The following CORO1C variants were observed in gnomAD, a reference collection of about 807,000 sequenced individuals.
The protein encoded by CORO1C is coronin-1C.
A neutral mutation model predicts 51.2 loss-of-function variants in CORO1C; 14 were observed. The observed-to-expected ratio is 0.27, with a 90% confidence interval of 0.18 to 0.43. The LOEUF (loss-of-function observed/expected upper bound fraction) is 0.43. CORO1C is among the 20% of genes least tolerant of loss of function. The probability of loss-of-function intolerance (pLI) is 1.00; values close to 1 mark genes in which losing one functional copy is unlikely to be tolerated. For synonymous variants in CORO1C, 181 were observed against 210.5 expected (o/e 0.86, Z 1.21); for missense variants, 417 against 607.8 (o/e 0.69, Z 3.30).
At chr12:108,702,887 T>G in intron 1 of CORO1C, 1 of 1,535,960 alleles carries the variant, frequency 6.5e-7, no homozygotes, top group Non-Finnish European at 8.7e-7. Context: ...CAATTGAGCA[T>G]CCACGTTCCT....
chr12:108,678,430 T>C (rs199668001), intron 2 of CORO1C, 36 bp from the exon 3 acceptor site: 357 of 1,509,174 alleles, frequency 2.4e-4, no homozygotes, highest in Middle Eastern at 7.1e-4. Flanking sequence ...TTATGTAATA[T>C]CAACACCACA....
In CORO1C at chr12:108,649,007, G is replaced by A; in HGVS notation, c.1015C>T (p.His339Tyr). 6.2e-7 allele frequency: 1 copy of A among 1,614,200 alleles called. No homozygotes were observed. The highest frequency in any genetic ancestry group is 8.5e-7 in the Non-Finnish European group (1 of 1,180,032). Reference sequence around the variant, plus strand: ...ATAATAGGTTCACACTTTCTCTCATGAAGTTTGAAGAATCTTCAGAGGGGA... The same window carrying A: ...ATAATAGGTTCACACTTTCTCTCATAAAGTTTGAAGAATCTTCAGAGGGGA... ...KCEIARFFKL[H>Y]ERKCEPIIMT... The change falls in exon 9 of 11, where the codon CAT becomes TAT. Residue 339 changes from histidine (H) to tyrosine (Y), a missense_variant. Coordinates refer to ENST00000261401, the MANE Select transcript of CORO1C (RefSeq NM_014325.4).
chr12:108,726,355 C>T (rs565884003), intron 1 of CORO1C, among the ~76,000 whole-genome samples: 19 of 150,776 alleles, frequency 1.3e-4, no homozygotes, highest in Non-Finnish European at 2.5e-4. Flanking sequence ...GGAGGCAGAG[C>T]TTGCAGTGAG....
intron 1 of CORO1C, among the ~76,000 whole-genome samples, chr12:108,720,469 T>C (rs773291312): frequency 1.3e-5 from 2 of 152,214 alleles, no homozygotes; most frequent in Non-Finnish European, 2.9e-5. Context: ...AACATCTTGC[T>C]AACATATTTA....
chr12:108,685,079 A>G (rs2034251363), intron 2 of CORO1C, among the ~76,000 whole-genome samples: 1 of 152,226 alleles, frequency 6.6e-6, no homozygotes, highest in Non-Finnish European at 1.5e-5. Context: ...ACACAAAGCA[A>G]TTTTGAGGGG....
chr12:108,726,680 A>G (rs2035601899), intron 1 of CORO1C, among the ~76,000 whole-genome samples: 1 of 151,846 alleles, frequency 6.6e-6, no homozygotes, highest in Non-Finnish European at 1.5e-5. Context: ...GAATGAAAAG[A>G]AAGTACACAC....
intron 3 of CORO1C, among the ~76,000 whole-genome samples, chr12:108,673,240 A>C (rs1196940731): frequency 2.0e-5 from 3 of 152,206 alleles, no homozygotes; most frequent in Admixed American, 2.0e-4. Flanking sequence ...TAAAAAAGCA[A>C]AAACAGCCTT....
rs1426604807 is a variant in CORO1C at position 108,719,753 on chromosome 12, G to A, written c.-6+11676C>T. Among the ~76,000 whole-genome samples the A allele has an allele frequency of 2.0e-5, 3 of 152,190 alleles. 1 individual carries two copies. Among genetic ancestry groups the A allele is most frequent in the Non-Finnish European group, 4.4e-5 (3 of 68,034 alleles). On this transcript the variant is annotated intron_variant, in intron 1 of 10. Transcript: ENST00000261401. ...AGAAACTCAAAAAGAGAAAGATAGT[G>A]AAGGAAAACAGCTTTTTCAATGGCT...
chr12:108,721,459 T>C (rs1358788523), intron 1 of CORO1C, among the ~76,000 whole-genome samples: 1 of 152,212 alleles, frequency 6.6e-6, no homozygotes, highest in African/African-American at 2.4e-5. Flanking sequence ...GAATTCACCA[T>C]CAAAGAGTCA....
Position 108,646,855 on chromosome 12 carries a change from A to C in CORO1C, c.*548T>G, listed in dbSNP as rs2032381170. On this transcript the variant is annotated 3_prime_UTR_variant, in exon 11 of 11. Coordinates refer to ENST00000261401, the MANE Select transcript of CORO1C (RefSeq NM_014325.4). ...TCTCAGATGAATGTTTATACAAAAT[A>C]ATATCTTATCTTCATTTAGTTTATA... is the stretch of plus-strand genomic sequence containing the variant. 1.3e-5 allele frequency: 2 copies of C among 152,556 alleles called. No homozygotes were observed. Among genetic ancestry groups the C allele is most frequent in the African/African-American group, 2.4e-5 (1 of 41,438 alleles). The allele number at this position is 152,556 out of a possible 1,614,324, so 9.5% of individuals were successfully genotyped here.
chr12:108,715,932 A>ACCATG (rs2035320732), intron 1 of CORO1C, among the ~76,000 whole-genome samples: 4 of 151,646 alleles, frequency 2.6e-5, no homozygotes. Flanking sequence ...AGGAAATGAG[A>ACCATG]CCATCCTGGC....
chr12:108,680,645 G>A (rs2034092683), intron 2 of CORO1C, among the ~76,000 whole-genome samples: 1 of 152,176 alleles, frequency 6.6e-6, no homozygotes, highest in Admixed American at 6.5e-5. Context: ...AAGAGCTGAT[G>A]TGAGGACTAA....
chr12:108,704,333 G>A (rs2034966185), intron 1 of CORO1C, among the ~76,000 whole-genome samples: 1 of 152,046 alleles, frequency 6.6e-6, no homozygotes, highest in Non-Finnish European at 1.5e-5. Flanking sequence ...TTAGCCGGGT[G>A]TGGCGGCAGG....
At chr12:108,694,817 A>C (rs1157562521) in intron 2 of CORO1C, among the ~76,000 whole-genome samples, 1 of 152,200 alleles carries the variant, frequency 6.6e-6, no homozygotes, top group Non-Finnish European at 1.5e-5. Flanking sequence ...GCTAGGTGGA[A>C]ATATAGTGTT....
chr12:108,676,502 T>G (rs1047209458), intron 3 of CORO1C, among the ~76,000 whole-genome samples: 3 of 152,170 alleles, frequency 2.0e-5, no homozygotes, highest in Non-Finnish European at 2.9e-5. Context: ...TTAGGCGCAG[T>G]GGCTCGTGCC....
chr12:108,691,188 A>G (rs756739626), intron 2 of CORO1C, among the ~76,000 whole-genome samples: 11 of 151,038 alleles, frequency 7.3e-5, no homozygotes, highest in Non-Finnish European at 1.5e-5. Context: ...TCAGTCAGCC[A>G]GAAATGAAAC....
At chr12:108,661,532 AT>A (rs541184165) in intron 4 of CORO1C, among the ~76,000 whole-genome samples, 8 of 151,488 alleles carry the variant, frequency 5.3e-5, no homozygotes, top group Admixed American at 2.0e-4. Context: ...ATTAAAAGTG[AT>A]TTTTTTTTCC....
At chr12:108,711,326 T>A (rs140582947) in intron 1 of CORO1C, among the ~76,000 whole-genome samples, 25 of 152,180 alleles carry the variant, frequency 1.6e-4, no homozygotes, top group Non-Finnish European at 2.9e-4. Flanking sequence ...GCCATGATCA[T>A]GCCACTGCAC....
At chr12:108,727,481 C>T (rs978293151) in intron 1 of CORO1C, among the ~76,000 whole-genome samples, 4 of 152,194 alleles carry the variant, frequency 2.6e-5, no homozygotes, top group African/African-American at 9.7e-5. Context: ...AGGCTGAAAT[C>T]AGAGCCCACC....
Sources: allele counts gnomAD v4.1 joint callset (sites outside exome capture counted in the v4.1 genomes callset), GRCh38; gene constraint gnomAD v4.1.1; transcripts MANE v1.5; gene names NCBI Gene and HGNC (gene_info 2026-07-23, HGNC 2026-07-21).